The following MACF1 variants were observed in gnomAD, a reference collection of about 807,000 sequenced individuals.
MACF1 encodes the protein microtubule-actin cross-linking factor 1.
MACF1 carries 193 observed loss-of-function variants against 854.8 expected under a neutral mutation model. The ratio of observed to expected loss-of-function variants is 0.23; its 90% CI spans 0.20 to 0.25. The LOEUF is 0.25. MACF1 is among the 10% of genes least tolerant of loss of function. MACF1 has a pLI of 1.00. For synonymous variants in MACF1, 3,185 were observed against 3,226.7 expected, an observed-to-expected ratio of 0.99 and a Z score of 0.44; for missense variants, 7,722 against 8,929.1, an observed-to-expected ratio of 0.86 and a Z score of 5.45.
At chr1:39,118,995 C>T (rs545637624) in intron 2 of MACF1, among the ~76,000 whole-genome samples, 27 of 152,208 alleles carry the variant, frequency 1.8e-4, no homozygotes, top group Middle Eastern at 3.4e-3. Flanking sequence ...AATTGGAAAA[C>T]TAAATGGTGA....
intron 44 of MACF1, among the ~76,000 whole-genome samples, chr1:39,355,588 C>T (rs1647483356): frequency 6.7e-6 from 1 of 148,422 alleles, no homozygotes; most frequent in African/African-American, 2.5e-5. Flanking sequence ...TCCTCAGCTT[C>T]CTGAGTAGCT....
chr1:39,207,552 T>G (rs1644465747), intron 1 of MACF1, among the ~76,000 whole-genome samples: 1 of 151,952 alleles, frequency 6.6e-6, no homozygotes, highest in South Asian at 2.1e-4. Flanking sequence ...AGTGCTGGGA[T>G]TATAGGTGTG....
chr1:39,379,953 T>C (rs963899069), intron 54 of MACF1, among the ~76,000 whole-genome samples: 1 of 152,228 alleles, frequency 6.6e-6, no homozygotes, highest in African/African-American at 2.4e-5. Flanking sequence ...CTTCAAGATA[T>C]GTTATCATCA....
rs537591566 is a variant in MACF1 at position 39,327,325 on chromosome 1, G to A, written c.4586G>A (p.Ser1529Asn). 2 of 1,605,512 alleles carry A rather than the reference G, an allele frequency of 1.2e-6. No homozygotes were observed. Among genetic ancestry groups the A allele is most frequent in the African/African-American group, 1.3e-5 (1 of 74,956 alleles). Residue 1529 changes from serine (S) to asparagine (N), a missense_variant, in exon 36 of 101, where the codon AGC becomes AAC. Physicochemically the swap from Ser to Asn is conservative, Grantham distance 46. Transcript: ENST00000564288. ...GSANQLQQLQ[S>N]QLAHQTEQKE... ...GCAAATCAGCTTCAGCAGCTTCAGA[G>A]CCAGTTGGCTCACCAGACAGAACAA...
At chr1:39,339,716 A>C (rs1646894146) in intron 38 of MACF1, among the ~76,000 whole-genome samples, 1 of 152,218 alleles carries the variant, frequency 6.6e-6, no homozygotes, top group African/African-American at 2.4e-5. Flanking sequence ...TGAAGTTAGA[A>C]GAGAGAGGAA....
At chr1:39,117,677 A>G (rs1408581471) in intron 2 of MACF1, among the ~76,000 whole-genome samples, 1 of 152,156 alleles carries the variant, frequency 6.6e-6, no homozygotes, top group Non-Finnish European at 1.5e-5. Flanking sequence ...ACCATCAGCA[A>G]AAATGTCTCT....
At chr1:39,239,792 G>T (rs1271672599) in intron 2 of MACF1, among the ~76,000 whole-genome samples, 1 of 152,172 alleles carries the variant, frequency 6.6e-6, no homozygotes, top group African/African-American at 2.4e-5. Context: ...TTCCATTTTT[G>T]TATATGCAAT....
intron 2 of MACF1, among the ~76,000 whole-genome samples, chr1:39,176,005 G>T (rs1644020670): frequency 6.7e-6 from 1 of 149,916 alleles, no homozygotes; most frequent in African/African-American, 2.4e-5. Flanking sequence ...AGCTACTCGG[G>T]AGGCTGAGGC....
chr1:39,321,100 A>G (rs1310196536), intron 31 of MACF1, among the ~76,000 whole-genome samples: 2 of 152,258 alleles, frequency 1.3e-5, no homozygotes, highest in Non-Finnish European at 2.9e-5. Flanking sequence ...ATAGCACTCA[A>G]AACAATGGCA....
chr1:39,308,427 C>G (rs1312446722), intron 23 of MACF1, among the ~76,000 whole-genome samples: 1 of 152,102 alleles, frequency 6.6e-6, no homozygotes, highest in Non-Finnish European at 1.5e-5. Context: ...GAAGATTAAA[C>G]TTACGGATTT....
At chr1:39,114,359 G>A (rs989978823) in intron 2 of MACF1, among the ~76,000 whole-genome samples, 2 of 151,994 alleles carry the variant, frequency 1.3e-5, no homozygotes, top group Non-Finnish European at 2.9e-5. Flanking sequence ...TGATATGCTC[G>A]CCCCTTTGAC....
intron 2 of MACF1, among the ~76,000 whole-genome samples, chr1:39,156,338 G>A (rs1643686512): frequency 6.6e-6 from 1 of 152,190 alleles, no homozygotes; most frequent in Non-Finnish European, 1.5e-5. Context: ...AGAATTTGGG[G>A]GCTTGGCATG....
At position 39,358,705 on chromosome 1, in the gene MACF1, A is replaced by C. The variant is rs555908133; in HGVS notation, c.11952A>C (p.Arg3984=). 6.2e-7 allele frequency: 1 copy of C among 1,613,992 alleles called. No homozygotes were observed. Residue 3984 remains arginine (R), a synonymous_variant, in exon 46 of 101, where the codon CGA becomes CGC. Coordinates refer to ENST00000564288, the MANE Select transcript of MACF1 (RefSeq NM_001394062.1). ...TTCTTTCTCTGGCACAGTGTACACG[A>C]TTAGGATCTCACCTGAATATGCTGT... ...RYTALHSKCT[R]LGSHLNMLLG...
chr1:39,121,460 A>G (rs1377970316), intron 2 of MACF1, among the ~76,000 whole-genome samples: 4 of 151,750 alleles, frequency 2.6e-5, no homozygotes, highest in Non-Finnish European at 4.4e-5. Flanking sequence ...TTATTTATTT[A>G]TTTATTTGAG....
chr1:39,123,772 G>A (rs369501396), intron 2 of MACF1, among the ~76,000 whole-genome samples: 4 of 125,502 alleles, frequency 3.2e-5, no homozygotes, highest in African/African-American at 1.2e-4. Flanking sequence ...CACCCAGGCT[G>A]AAGTGCAGTG....
In MACF1 at chr1:39,330,569, T is replaced by G. The variant is rs539557991; in HGVS notation, c.4615-634T>G. Among the ~76,000 whole-genome samples, 7 of 152,320 alleles carry G rather than the reference T, an allele frequency of 4.6e-5. 1 individual carries two copies. In the South Asian group the frequency reaches 6.2e-4, roughly 14 times the overall value. On this transcript the variant is annotated intron_variant, in intron 36 of 100. Transcript: ENST00000564288. ...GATGATTTAGTCTTAGAAATAAGAT[T>G]AAATCCTATCATTTTCACTGCTTAC...
rs572265134 is a variant in MACF1 at position 39,123,020 on chromosome 1, G to A, written c.220+38582G>A. Reference sequence around the variant, plus strand: ...CAGAGAAACAAAGGACTAATTAGGAGGTTCCTCAGTCATTTGGGAGTAGAT... The same window carrying A: ...CAGAGAAACAAAGGACTAATTAGGAAGTTCCTCAGTCATTTGGGAGTAGAT... On this transcript the variant is annotated intron_variant, in intron 2 of 93. Transcript: ENST00000361689. Among the ~76,000 whole-genome samples the A allele has an allele frequency of 7.2e-5, 11 of 152,088 alleles. No homozygotes were observed. In the South Asian group the frequency reaches 2.3e-3, roughly 32 times the overall value.
rs117738292 is a variant in MACF1, at chr1:39,265,542, C to A, written c.528+7514C>A. Among the ~76,000 whole-genome samples the A allele has an allele frequency of 1.2e-3, 180 of 152,296 alleles. 2 individuals carry two copies. The East Asian group carries it at 0.03, about 26-fold the overall frequency. On this transcript the variant is annotated intron_variant, in intron 6 of 100. Coordinates refer to ENST00000564288, the MANE Select transcript of MACF1 (RefSeq NM_001394062.1). ...TAGCCTATCTTAAATGTATTCCGAA[C>A]ACTTATATTAGCTAACCGTTGAGCA... is the stretch of plus-strand genomic sequence containing the variant.
At chr1:39,132,483 A>G (rs1267124346) in intron 2 of MACF1, among the ~76,000 whole-genome samples, 1 of 152,124 alleles carries the variant, frequency 6.6e-6, no homozygotes, top group Non-Finnish European at 1.5e-5. Flanking sequence ...TAAATATCCA[A>G]CACTCCATAA....
Sources: gnomAD v4.1 joint callset for allele counts (sites outside exome capture counted in the v4.1 genomes callset) on GRCh38, gnomAD v4.1.1 for gene constraint, MANE v1.5 for transcripts, NCBI Gene and HGNC (gene_info 2026-07-23, HGNC 2026-07-21) for gene names.